Variants in PIGK observed in about 807,000 individuals in gnomAD.
The protein encoded by PIGK is GPI-anchor transamidase.
PIGK carries 42 observed loss-of-function variants against 50.6 expected under a neutral mutation model. The observed-to-expected ratio is 0.83, with a 90% confidence interval of 0.65 to 1.07. PIGK has a LOEUF of 1.07. Among genes scored for constraint, PIGK ranks in the 50% least tolerant of loss-of-function variants. The pLI, the probability that PIGK is intolerant of heterozygous loss-of-function variation, is 0.00. For missense variants in PIGK, 448 were observed against 488.7 expected (o/e 0.92, Z 0.78); for synonymous variants, 151 against 156.0 (o/e 0.97, Z 0.24).
chr1:77,118,575 G>T (rs955762636), intron 10 of PIGK, among the ~76,000 whole-genome samples: 1 of 152,088 alleles, frequency 6.6e-6, no homozygotes, highest in African/African-American at 2.4e-5. Flanking sequence ...CAAAAATTTT[G>T]CCAACATACT....
chr1:77,170,303 T>G (rs573260541), intron 3 of PIGK, among the ~76,000 whole-genome samples: 1 of 152,316 alleles, frequency 6.6e-6, no homozygotes, highest in African/African-American at 2.4e-5. Flanking sequence ...AACTTCAGCC[T>G]CTACCACCCA....
intron 10 of PIGK, among the ~76,000 whole-genome samples, chr1:77,108,937 T>A (rs1427176411): frequency 6.6e-6 from 1 of 152,144 alleles, no homozygotes; most frequent in Admixed American, 6.6e-5. Context: ...GGTTTTCAGC[T>A]CCATCAGGTC....
At chr1:77,155,921 C>T (rs1259005643) in intron 8 of PIGK, among the ~76,000 whole-genome samples, 1 of 152,004 alleles carries the variant, frequency 6.6e-6, no homozygotes, top group African/African-American at 2.4e-5. Context: ...TTAAGCCTAC[C>T]AATAACTCTG....
chr1:77,212,562 C>T (rs186944912), intron 1 of PIGK, among the ~76,000 whole-genome samples: 3 of 152,116 alleles, frequency 2.0e-5, no homozygotes, highest in South Asian at 4.1e-4. Context: ...ATGCTGCCTA[C>T]AAGAAACTCA....
In PIGK at chr1:77,089,168, T is replaced by A. The variant is rs772556332; in HGVS notation, c.*3206A>T. 6.6e-6 allele frequency: 1 copy of A among 152,214 alleles called. No individual in the cohort carries two copies. Among genetic ancestry groups the A allele is most frequent in the Admixed American group, 6.5e-5 (1 of 15,284 alleles). The allele number at this position is 152,214 out of a possible 1,614,324, so 9.4% of individuals were successfully genotyped here. A position where few individuals can be genotyped will look rare whatever the true frequency, so the allele number is the denominator to read the frequency against. ...AAAGCCTGGTTACCACCAAGGTGTA[T>A]TGTCCATGAATTGAAAGGCTTTCCT... On this transcript the variant is annotated 3_prime_UTR_variant, in exon 11 of 11. Transcript: ENST00000370812.
chr1:77,107,799 A>T (rs2100516368), intron 10 of PIGK, among the ~76,000 whole-genome samples: 1 of 152,282 alleles, frequency 6.6e-6, no homozygotes, highest in East Asian at 1.9e-4. Flanking sequence ...TATATTTACG[A>T]TAGTTAGCTC....
chr1:77,198,479 T>C (rs1656084890), intron 3 of PIGK, among the ~76,000 whole-genome samples: 2 of 151,980 alleles, frequency 1.3e-5, no homozygotes, highest in Non-Finnish European at 1.5e-5. Context: ...TTTGAAAGGA[T>C]GAAAACTCAT....
chr1:77,118,642 T>A (rs2100525940), intron 10 of PIGK, among the ~76,000 whole-genome samples: 1 of 152,384 alleles, frequency 6.6e-6, no homozygotes, highest in South Asian at 2.1e-4. Flanking sequence ...CCTATTGGAA[T>A]GTACTTTTCC....
chr1:77,164,429 A>G (rs1020942585), intron 5 of PIGK, among the ~76,000 whole-genome samples: 1 of 152,166 alleles, frequency 6.6e-6, no homozygotes, highest in Non-Finnish European at 1.5e-5. Context: ...TAATATTTCT[A>G]TGCTTCAGTT....
At chr1:77,194,164 A>C (rs1215183268) in intron 3 of PIGK, among the ~76,000 whole-genome samples, 1 of 152,218 alleles carries the variant, frequency 6.6e-6, no homozygotes, top group Non-Finnish European at 1.5e-5. Flanking sequence ...AATGACTATT[A>C]TGAAGTCAAA....
intron 10 of PIGK, among the ~76,000 whole-genome samples, chr1:77,102,732 C>T (rs896605474): frequency 6.6e-6 from 1 of 152,138 alleles, no homozygotes; most frequent in African/African-American, 2.4e-5. Flanking sequence ...TGATAGAAAA[C>T]GCATACAACA....
At chr1:77,216,827 G>T (rs189412590) in intron 1 of PIGK, among the ~76,000 whole-genome samples, 203 of 152,278 alleles carry the variant, frequency 1.3e-3, no homozygotes, top group African/African-American at 4.6e-3. Context: ...CTATCCTCAT[G>T]TCTCTAATGT....
At chr1:77,186,569 A>G (rs1023669890) in intron 3 of PIGK, among the ~76,000 whole-genome samples, 18 of 152,350 alleles carry the variant, frequency 1.2e-4, no homozygotes, top group African/African-American at 4.1e-4. Context: ...AGATATTTGT[A>G]TCCCATGTGA....
rs541756125 is a variant in PIGK, at chr1:77,107,696, G to A, written c.1071+14579C>T. ...CTAATGTTGACAGTGGGGTGTTAAA[G>A]TCTCCCATTATTATTGTGTGGGAGT... On this transcript the variant is annotated intron_variant, in intron 10 of 10. Coordinates refer to ENST00000370812, the MANE Select transcript of PIGK (RefSeq NM_005482.3). Among the ~76,000 whole-genome samples, 156 of 152,212 alleles carry A rather than the reference G, an allele frequency of 1.0e-3. 2 individuals are homozygous for A. The highest frequency in any genetic ancestry group is 3.5e-3 in the African/African-American group (147 of 41,532).
At position 77,187,805 on chromosome 1, in the gene PIGK, G is replaced by A. The variant is rs559565128; in HGVS notation, c.240-18410C>T. Among the ~76,000 whole-genome samples, 22 of 152,338 alleles carry A rather than the reference G, an allele frequency of 1.4e-4. No individual in the cohort carries two copies. The East Asian group carries it at 3.7e-3, about 25-fold the overall frequency. On this transcript the variant is annotated intron_variant, in intron 3 of 10. Transcript: ENST00000370812. ...TTGCGGGAAGTCAGGGACCCCAAAC[G>A]GATGGACCGGCTGAAGCCATGGCAG...
intron 9 of PIGK, among the ~76,000 whole-genome samples, chr1:77,139,374 G>T (rs983188227): frequency 6.6e-6 from 1 of 151,732 alleles, no homozygotes; most frequent in Non-Finnish European, 1.5e-5. Context: ...CCCCTGTAAA[G>T]GTTTCTTTAG....
chr1:77,161,577 G>C lies in PIGK; in HGVS notation c.702+17C>G. 1 of 1,129,176 alleles carries C rather than the reference G, an allele frequency of 8.9e-7. No individual in the cohort carries two copies. Among genetic ancestry groups the C allele is most frequent in the South Asian group, 1.2e-5 (1 of 81,306 alleles). The allele number at this position is 1,129,176 out of a possible 1,614,324, so 69.9% of individuals were successfully genotyped here. On this transcript the variant is annotated intron_variant, in intron 7 of 10. Transcript: ENST00000370812. ...CATTCCAAAGACACAGTTTACAAAT[G>C]GGGAAAATGCACATACCGAGAGTGA...
At chr1:77,211,886 C>G (rs1656430199) in intron 1 of PIGK, among the ~76,000 whole-genome samples, 1 of 150,472 alleles carries the variant, frequency 6.6e-6, no homozygotes, top group African/African-American at 2.5e-5. Flanking sequence ...CAAACACAGA[C>G]AGGTCTTCTT....
intron 3 of PIGK, among the ~76,000 whole-genome samples, chr1:77,171,394 G>A (rs60037927): frequency 0.1 from 12,870 of 123,082 alleles, 665 homozygotes; most frequent in Middle Eastern, 0.2. Context: ...CCGACATCGC[G>A]TCACTGCACT....
Sources: gnomAD v4.1 joint callset for allele counts (sites outside exome capture counted in the v4.1 genomes callset) on GRCh38, gnomAD v4.1.1 for gene constraint, MANE v1.5 for transcripts, NCBI Gene and HGNC (gene_info 2026-07-23, HGNC 2026-07-21) for gene names.